ATAD2B: variants seen among roughly 807,000 people sequenced by gnomAD.
ATAD2B encodes the protein ATPase family AAA domain-containing protein 2B.
In ATAD2B, 40 loss-of-function variants were observed where a neutral mutation model predicts 167.6. The observed-to-expected ratio is 0.24, with a 90% CI of 0.19 to 0.31. ATAD2B has a LOEUF of 0.31. ATAD2B is among the 10% of genes least tolerant of loss of function. The pLI, the probability that ATAD2B is intolerant of heterozygous loss-of-function variation, is 1.00. For synonymous variants in ATAD2B, 579 were observed against 596.5 expected (o/e 0.97, Z 0.43); for missense variants, 1,242 against 1,757.2 (o/e 0.71, Z 5.24).
chr2:23,688,080 T>C, the ATAD2B span, among the ~76,000 whole-genome samples: 1 of 152,096 alleles, frequency 6.6e-6, no homozygotes, highest in African/African-American at 2.4e-5. Context: ...AGCACCTCGG[T>C]AGAGTGGACA....
intron 1 of ATAD2B, among the ~76,000 whole-genome samples, chr2:23,897,229 T>C (rs1057332345): frequency 5.9e-5 from 9 of 152,234 alleles, no homozygotes; most frequent in African/African-American, 1.9e-4. Context: ...TTAAAAAGAA[T>C]ATACAGAAAT....
At chr2:23,859,614 T>C (rs968856575) in intron 12 of ATAD2B, among the ~76,000 whole-genome samples, 1 of 152,182 alleles carries the variant, frequency 6.6e-6, no homozygotes, top group African/African-American at 2.4e-5. Context: ...GAATTAGTAT[T>C]GCTATGGTTT....
chr2:23,732,849 G>A, the ATAD2B span, among the ~76,000 whole-genome samples: 1 of 152,170 alleles, frequency 6.6e-6, no homozygotes, highest in African/African-American at 2.4e-5. Flanking sequence ...ATATAGGACA[G>A]TGGTAAATAA....
the ATAD2B span, among the ~76,000 whole-genome samples, chr2:23,682,072 C>G: frequency 6.6e-6 from 1 of 152,146 alleles, no homozygotes; most frequent in Non-Finnish European, 1.5e-5. This position sits in a 1 kb window ranked among gnomAD's most constrained non-coding sequence, Gnocchi z 4.1. Context: ...GATGTCCCAC[C>G]ACCATCCCCT....
chr2:23,816,462 C>T (rs984105476), intron 17 of ATAD2B, among the ~76,000 whole-genome samples: 2 of 152,088 alleles, frequency 1.3e-5, no homozygotes, highest in African/African-American at 4.8e-5. Flanking sequence ...TATCTTAAAA[C>T]AGTCATATTA....
intron 21 of ATAD2B, among the ~76,000 whole-genome samples, chr2:23,784,091 C>A (rs181511037): frequency 1.3e-5 from 2 of 152,134 alleles, no homozygotes; most frequent in African/African-American, 4.8e-5. Flanking sequence ...TATACTGAAA[C>A]AAACTACCTC....
chr2:23,800,774 G>T (rs537531173), intron 18 of ATAD2B, among the ~76,000 whole-genome samples: 1 of 150,748 alleles, frequency 6.6e-6, no homozygotes, highest in African/African-American at 2.4e-5. Flanking sequence ...AAAAAATCTC[G>T]AAGCTTTTTA....
chr2:23,777,275 T>C (rs72780125), intron 22 of ATAD2B, among the ~76,000 whole-genome samples: 15,800 of 152,234 alleles, frequency 0.1, 906 homozygotes, highest in Middle Eastern at 0.18. Flanking sequence ...AGTAAACTAA[T>C]ACAATTACAT....
chr2:23,926,881 G>A lies in ATAD2B; in HGVS notation c.-111C>T. ...AGCCGAGCCGGGCAATGAGAGACGA[G>A]CCGGCCCGGAGCGTGCGGAGCGCAG... is the stretch of plus-strand genomic sequence containing the variant. On this transcript the variant is annotated 5_prime_UTR_variant, in exon 1 of 28. Transcript: ENST00000238789. 1.5e-6 allele frequency: 2 copies of A among 1,324,504 alleles called. No individual in the cohort carries two copies. The highest frequency in any genetic ancestry group is 2.0e-6 in the Non-Finnish European group (2 of 998,050). The allele number at this position is 1,324,504 out of a possible 1,614,324, so 82.0% of individuals were successfully genotyped here. A position where few individuals can be genotyped will look rare whatever the true frequency, so the allele number is the denominator to read the frequency against.
chr2:23,833,370 A>G (rs1558624232), intron 14 of ATAD2B, among the ~76,000 whole-genome samples: 1 of 100,912 alleles, frequency 9.9e-6, no homozygotes, highest in Non-Finnish European at 2.0e-5. Flanking sequence ...AATAATATTA[A>G]AAGTTTGAAG....
At chr2:23,881,289 A>G (rs890461008) in intron 6 of ATAD2B, among the ~76,000 whole-genome samples, 2 of 151,708 alleles carry the variant, frequency 1.3e-5, no homozygotes, top group African/African-American at 4.8e-5. Context: ...GCACATAAGC[A>G]TTGAGAGGGA....
At chr2:23,870,100 G>A (rs1388326826) in intron 8 of ATAD2B, among the ~76,000 whole-genome samples, 8 of 144,648 alleles carry the variant, frequency 5.5e-5, no homozygotes, top group Admixed American at 4.1e-4. Context: ...CCAGCTACTC[G>A]GGAGGCTGAG....
At chr2:23,684,256 G>A in the ATAD2B span, 7 of 542,898 alleles carry the variant, frequency 1.3e-5, no homozygotes, top group Non-Finnish European at 2.0e-5. This position sits in a 1 kb window ranked among gnomAD's most constrained non-coding sequence, Gnocchi z 4.4. Context: ...TTGACTGTCA[G>A]TGTTGAGCCA....
chr2:23,716,319 C>T, the ATAD2B span, among the ~76,000 whole-genome samples: 224 of 152,174 alleles, frequency 1.5e-3, no homozygotes, highest in Non-Finnish European at 2.7e-3. Context: ...TAAACTGCTG[C>T]GATGATATAA....
At chr2:23,889,451 A>G (rs1699156458) in intron 2 of ATAD2B, among the ~76,000 whole-genome samples, 1 of 151,972 alleles carries the variant, frequency 6.6e-6, no homozygotes, top group Admixed American at 6.6e-5. Flanking sequence ...TACAGGCGTA[A>G]GCCACCGCGC....
the ATAD2B span, chr2:23,697,539 G>A: frequency 1.3e-5 from 2 of 152,276 alleles, no homozygotes; most frequent in African/African-American, 4.8e-5. Flanking sequence ...TGCCTATGAA[G>A]CCACACATAC....
intron 17 of ATAD2B, among the ~76,000 whole-genome samples, chr2:23,810,785 C>A (rs1020594194): frequency 3.9e-5 from 6 of 152,106 alleles, no homozygotes; most frequent in African/African-American, 1.4e-4. Flanking sequence ...CCAAGGTGGG[C>A]GGATCACCTG....
At position 23,819,434 on chromosome 2, in the gene ATAD2B, T is replaced by C. The variant is rs570312231; in HGVS notation, c.2267+313A>G. On this transcript the variant is annotated intron_variant, in intron 17 of 27. Transcript: ENST00000238789. ...TAAACTCAGGAGGCAGAGGTTGCAG[T>C]GAGCCAAGATCATGCCACTGCACTC... Among the ~76,000 whole-genome samples, 9 of 148,074 alleles carry C rather than the reference T, an allele frequency of 6.1e-5. No individual in the cohort carries two copies. The South Asian group carries it at 1.9e-3, about 32-fold the overall frequency.
the ATAD2B span, chr2:23,706,362 C>T: frequency 5.5e-6 from 4 of 721,370 alleles, no homozygotes; most frequent in Non-Finnish European, 8.1e-6. Context: ...GCAGCAAGAT[C>T]CCAGATGCCT....
Sources: gnomAD v4.1 joint callset for allele counts (sites outside exome capture counted in the v4.1 genomes callset) on GRCh38, gnomAD v4.1.1 for gene constraint, Gnocchi (gnomAD v3.1) non-coding constraint, MANE v1.5 for transcripts, NCBI Gene and HGNC (gene_info 2026-07-23, HGNC 2026-07-21) for gene names.